PHACTR1: variants seen among roughly 807,000 people sequenced by gnomAD.
PHACTR1 encodes RPEL repeat containing 1.
A neutral mutation model predicts 69.2 loss-of-function variants in PHACTR1; 16 were observed. The observed-to-expected ratio is 0.23, with a 90% CI of 0.16 to 0.35. The LOEUF is 0.35. Ranked by LOEUF, PHACTR1 falls within the 10% of genes least tolerant of loss-of-function variation. The pLI is 1.00. For missense variants in PHACTR1, 510 were observed against 734.7 expected, an observed-to-expected ratio of 0.69 and a Z score of 3.54; for synonymous variants, 312 against 284.5, an observed-to-expected ratio of 1.10 and a Z score of -0.97.
chr6:12,798,884 C>T (rs1178106618), intron 4 of PHACTR1, among the ~76,000 whole-genome samples: 1 of 152,148 alleles, frequency 6.6e-6, no homozygotes, highest in Non-Finnish European at 1.5e-5. Context: ...TGGAAGGGAA[C>T]ATTCTCTCTA....
intron 4 of PHACTR1, among the ~76,000 whole-genome samples, chr6:12,763,832 C>T (rs1305011944): frequency 6.6e-6 from 1 of 152,090 alleles, no homozygotes; most frequent in Non-Finnish European, 1.5e-5. Flanking sequence ...TTAAATTTAA[C>T]CGTCACAGTA....
intron 4 of PHACTR1, among the ~76,000 whole-genome samples, chr6:12,799,942 A>G (rs371713806): frequency 3.3e-5 from 5 of 152,204 alleles, no homozygotes; most frequent in Admixed American, 6.5e-5. Flanking sequence ...TGCAATTACA[A>G]AAAGTTTTGA....
chr6:13,076,960 G>C (rs1005381130), intron 5 of PHACTR1, among the ~76,000 whole-genome samples: 1 of 111,416 alleles, frequency 9.0e-6, no homozygotes, highest in African/African-American at 3.4e-5. Context: ...GGGGGGAGGG[G>C]GGAGGGATAG....
intron 5 of PHACTR1, among the ~76,000 whole-genome samples, chr6:13,103,992 G>A (rs966851483): frequency 4.6e-5 from 7 of 152,158 alleles, no homozygotes; most frequent in African/African-American, 1.2e-4. Flanking sequence ...GTTGAGGCAG[G>A]AAAATCGCCT....
intron 4 of PHACTR1, among the ~76,000 whole-genome samples, chr6:12,982,859 T>C (rs1258675382): frequency 6.6e-6 from 1 of 152,220 alleles, no homozygotes; most frequent in African/African-American, 2.4e-5. Flanking sequence ...GCTCTACTTT[T>C]CTAGCTATAA....
intron 5 of PHACTR1, among the ~76,000 whole-genome samples, chr6:13,090,873 A>G (rs1413190389): frequency 1.3e-5 from 2 of 152,202 alleles, no homozygotes; most frequent in African/African-American, 4.8e-5. Context: ...TGATTTTAGG[A>G]TGATTTAAGC....
At chr6:12,835,096 G>A (rs1306812527) in intron 4 of PHACTR1, among the ~76,000 whole-genome samples, 1 of 152,142 alleles carries the variant, frequency 6.6e-6, no homozygotes, top group Non-Finnish European at 1.5e-5. Flanking sequence ...AGCTGGCAGA[G>A]CAAAGGCAGG....
At chr6:12,892,029 C>T (rs1293860559) in intron 4 of PHACTR1, among the ~76,000 whole-genome samples, 5 of 152,226 alleles carry the variant, frequency 3.3e-5, no homozygotes, top group Non-Finnish European at 7.3e-5. Context: ...ATTAAAGAGA[C>T]ATGCATTCCC....
At chr6:13,060,399 G>A (rs1807494563) in intron 5 of PHACTR1, among the ~76,000 whole-genome samples, 1 of 152,198 alleles carries the variant, frequency 6.6e-6, no homozygotes, top group Admixed American at 6.5e-5. Flanking sequence ...TGTGTCTATA[G>A]GGGGTTGTGT....
At chr6:13,131,178 TACAC>T (rs61143569) in intron 5 of PHACTR1, among the ~76,000 whole-genome samples, 3 of 94,648 alleles carry the variant, frequency 3.2e-5, no homozygotes, top group Admixed American at 1.0e-4. Context: ...TGTGTGTATA[TACAC>T]ACACACACAC....
intron 4 of PHACTR1, among the ~76,000 whole-genome samples, chr6:12,777,237 A>ATT (rs1361393266): frequency 8.3e-6 from 1 of 119,770 alleles, no homozygotes; most frequent in African/African-American, 3.7e-5. Flanking sequence ...ATATATATAT[A>ATT]TATATTTTTT....
intron 5 of PHACTR1, among the ~76,000 whole-genome samples, chr6:13,055,124 A>G (rs576792161): frequency 9.8e-5 from 15 of 152,314 alleles, no homozygotes; most frequent in South Asian, 2.1e-4. Flanking sequence ...CATGATAGCC[A>G]TGTTTTCTGA....
At chr6:12,753,365 A>T (rs76797605) in intron 4 of PHACTR1, among the ~76,000 whole-genome samples, 3,066 of 152,328 alleles carry the variant, frequency 0.02, 102 homozygotes, top group African/African-American at 0.069. Context: ...TACCTGATAC[A>T]TAGAAGCTGC....
At chr6:13,215,466 G>A (rs2127254116) in intron 8 of PHACTR1, among the ~76,000 whole-genome samples, 1 of 152,340 alleles carries the variant, frequency 6.6e-6, no homozygotes, top group East Asian at 1.9e-4. Context: ...AGGAAGGGGT[G>A]ATATACTGTC....
At chr6:13,172,375 T>C (rs1223308424) in intron 6 of PHACTR1, among the ~76,000 whole-genome samples, 3 of 152,200 alleles carry the variant, frequency 2.0e-5, no homozygotes, top group Admixed American at 6.5e-5. Context: ...TGAGAAACCA[T>C]GCACTTGGCG....
chr6:13,057,888 G>A (rs1807047663), intron 5 of PHACTR1, among the ~76,000 whole-genome samples: 1 of 152,160 alleles, frequency 6.6e-6, no homozygotes, highest in Admixed American at 6.5e-5. Flanking sequence ...CCCAGGGGCT[G>A]AGCTCCAGAT....
chr6:13,002,561 A>G (rs1466867367), intron 4 of PHACTR1, among the ~76,000 whole-genome samples: 3 of 152,166 alleles, frequency 2.0e-5, no homozygotes, highest in Non-Finnish European at 4.4e-5. Flanking sequence ...TCTGTTGGAA[A>G]ATATACATAA....
intron 4 of PHACTR1, among the ~76,000 whole-genome samples, chr6:12,833,820 C>G (rs1285059719): frequency 1.3e-5 from 2 of 152,108 alleles, no homozygotes; most frequent in Non-Finnish European, 2.9e-5. Flanking sequence ...CCCTAGCCTG[C>G]TGTGGACAGT....
At chr6:12,861,266 A>G (rs1780910160) in intron 4 of PHACTR1, among the ~76,000 whole-genome samples, 1 of 152,190 alleles carries the variant, frequency 6.6e-6, no homozygotes, top group African/African-American at 2.4e-5. Flanking sequence ...AAAAGGCTTA[A>G]CAAGTCACCC....
Sources: gnomAD v4.1 joint callset for allele counts (sites outside exome capture counted in the v4.1 genomes callset) on GRCh38, gnomAD v4.1.1 for gene constraint, MANE v1.5 for transcripts, NCBI Gene and HGNC (gene_info 2026-07-23, HGNC 2026-07-21) for gene names.